The following CAPSL variants were observed in gnomAD, a reference collection of about 807,000 sequenced individuals.
CAPSL encodes the protein calcyphosin-like protein.
Under a neutral mutation model 21.3 loss-of-function variants are expected in CAPSL, and 17 were observed. That is an observed-to-expected ratio of 0.80 (90% confidence interval 0.55 to 1.20). The LOEUF (loss-of-function observed/expected upper bound fraction) is 1.20. Ranked by LOEUF, CAPSL falls within the 50% of genes most tolerant of loss-of-function variation. The pLI, the probability that CAPSL is intolerant of heterozygous loss-of-function variation, is 0.00. For synonymous variants in CAPSL, 102 were observed against 89.3 expected, an observed-to-expected ratio of 1.14 and a Z score of -0.80; for missense variants, 289 against 259.3, an observed-to-expected ratio of 1.11 and a Z score of -0.79.
chr5:35,931,327 A>G (rs1738817940), intron 1 of CAPSL, among the ~76,000 whole-genome samples: 1 of 152,154 alleles, frequency 6.6e-6, no homozygotes, highest in Non-Finnish European at 1.5e-5. Flanking sequence ...CTCTTCTCTC[A>G]GTAGAATTTT....
intron 2 of CAPSL, among the ~76,000 whole-genome samples, chr5:35,910,830 G>C (rs1217483477): frequency 6.6e-6 from 1 of 152,176 alleles, no homozygotes; most frequent in Non-Finnish European, 1.5e-5. Flanking sequence ...TGAAACATGG[G>C]ATTTTTAGGT....
intron 1 of CAPSL, among the ~76,000 whole-genome samples, chr5:35,935,027 C>T (rs1380591139): frequency 1.3e-5 from 2 of 152,166 alleles, no homozygotes; most frequent in East Asian, 3.8e-4. Context: ...CACCCTGTCA[C>T]CTCCACATCA....
At chr5:35,936,345 C>A (rs1738946070) in intron 1 of CAPSL, among the ~76,000 whole-genome samples, 1 of 152,132 alleles carries the variant, frequency 6.6e-6, no homozygotes, top group Admixed American at 6.5e-5. Flanking sequence ...TCCTCTCCAG[C>A]AGCTCCTTCT....
In CAPSL at chr5:35,933,655, G is replaced by A. The variant is rs142845346; in HGVS notation, c.-1+4886C>T. Reference sequence around the variant, plus strand: ...AAGAGCATTTGCCTGCTCCTCCCTCGGTGTGAAGAACTCCTGTCCAAGCTA... The same window carrying A: ...AAGAGCATTTGCCTGCTCCTCCCTCAGTGTGAAGAACTCCTGTCCAAGCTA... On this transcript the variant is annotated intron_variant, in intron 1 of 4. Transcript: ENST00000651391. Among the ~76,000 whole-genome samples the A allele has an allele frequency of 2.2e-3, 329 of 152,156 alleles. 1 individual carries two copies. Among genetic ancestry groups the A allele is most frequent in the Middle Eastern group, 3.4e-3 (1 of 294 alleles).
rs758559698 is a variant in CAPSL, at chr5:35,910,363, T to G, written c.315+3A>C. On this transcript the variant is annotated splice_donor_region_variant and intron_variant, in intron 3 of 4. Coordinates refer to ENST00000651391, the MANE Select transcript of CAPSL (RefSeq NM_001042625.2). ...AGATACACTGATTAATGGGGCCACT[T>G]ACTCTTAATGTGAGAAGAAATTCAT... The G allele has an allele frequency of 1.2e-5, 20 of 1,612,230 alleles. No homozygotes were observed. Among genetic ancestry groups the G allele is most frequent in the Non-Finnish European group, 1.6e-5 (19 of 1,179,238 alleles).
At chr5:35,921,874 C>G (rs894903729) in intron 1 of CAPSL, among the ~76,000 whole-genome samples, 3 of 151,238 alleles carry the variant, frequency 2.0e-5, no homozygotes, top group African/African-American at 7.3e-5. Flanking sequence ...AATCTCACAG[C>G]CTGTTTCCTC....
intron 1 of CAPSL, among the ~76,000 whole-genome samples, chr5:35,929,769 G>A (rs1027687146): frequency 1.3e-5 from 2 of 152,108 alleles, no homozygotes; most frequent in African/African-American, 4.8e-5. Context: ...AGTGAGGACC[G>A]GAGTGCAGAG....
At chr5:35,913,615 T>C (rs1375547797) in intron 2 of CAPSL, among the ~76,000 whole-genome samples, 1 of 152,134 alleles carries the variant, frequency 6.6e-6, no homozygotes, top group Non-Finnish European at 1.5e-5. Flanking sequence ...CTAAGCTTCA[T>C]AAGTGAAGGA....
chr5:35,915,938 T>C (rs1408051634), intron 2 of CAPSL, among the ~76,000 whole-genome samples: 2 of 152,178 alleles, frequency 1.3e-5, no homozygotes. Context: ...TGTTTGCAGA[T>C]GACATGATTG....
Position 35,907,449 on chromosome 5 carries a change from A to T in CAPSL, c.525+2417T>A, listed in dbSNP as rs562904203. ...TACACATGAAGAATTCAAAACTTAG[A>T]TATTAAAGAATAAGAAGTAAATGTC... On this transcript the variant is annotated intron_variant, in intron 4 of 4. Coordinates refer to ENST00000651391, the MANE Select transcript of CAPSL (RefSeq NM_001042625.2). Among the ~76,000 whole-genome samples, 7 of 152,342 alleles carry T rather than the reference A, an allele frequency of 4.6e-5. No individual in the cohort carries two copies. In the South Asian group the frequency reaches 1.2e-3, roughly 27 times the overall value.
At chr5:35,929,153 C>T (rs553892226) in intron 1 of CAPSL, among the ~76,000 whole-genome samples, 1 of 152,206 alleles carries the variant, frequency 6.6e-6, no homozygotes, top group East Asian at 1.9e-4. Context: ...CACATTGCCT[C>T]ATGTGGTGGA....
intron 2 of CAPSL, among the ~76,000 whole-genome samples, chr5:35,913,316 T>C (rs1476703895): frequency 6.6e-6 from 1 of 152,176 alleles, no homozygotes; most frequent in Non-Finnish European, 1.5e-5. Flanking sequence ...TTCCCCAATC[T>C]AGCAAGGCAG....
chr5:35,919,982 G>A (rs1405120988), intron 2 of CAPSL, among the ~76,000 whole-genome samples: 2 of 152,142 alleles, frequency 1.3e-5, no homozygotes, highest in African/African-American at 4.8e-5. Context: ...ATGATGAATG[G>A]GATAGAGGTG....
chr5:35,931,358 G>A (rs1206234028), intron 1 of CAPSL, among the ~76,000 whole-genome samples: 1 of 151,420 alleles, frequency 6.6e-6, no homozygotes, highest in Non-Finnish European at 1.5e-5. Context: ...AGCCTCTCCA[G>A]CACTTTTGAC....
At chr5:35,936,882 G>C (rs936898620) in intron 1 of CAPSL, among the ~76,000 whole-genome samples, 1 of 152,174 alleles carries the variant, frequency 6.6e-6, no homozygotes, top group Non-Finnish European at 1.5e-5. Flanking sequence ...ATGTGCACTT[G>C]GATGACCTAC....
chr5:35,919,876 G>A (rs1738491191), intron 2 of CAPSL, among the ~76,000 whole-genome samples: 1 of 152,192 alleles, frequency 6.6e-6, no homozygotes, highest in Admixed American at 6.5e-5. Flanking sequence ...ATGGGGTGAA[G>A]ATGGCACAGG....
At chr5:35,911,889 G>C (rs1487370954) in intron 2 of CAPSL, among the ~76,000 whole-genome samples, 1 of 152,138 alleles carries the variant, frequency 6.6e-6, no homozygotes, top group African/African-American at 2.4e-5. Flanking sequence ...AGCACACCAA[G>C]CATGAGCTGA....
At chr5:35,919,168 A>ATATATAT (rs1328263175) in intron 2 of CAPSL, among the ~76,000 whole-genome samples, 4 of 113,036 alleles carry the variant, frequency 3.5e-5, no homozygotes, top group East Asian at 2.7e-4. Context: ...ATTAAAAAAA[A>ATATATAT]AAATATATAT....
At chr5:35,909,169 T>A (rs371106311) in intron 4 of CAPSL, among the ~76,000 whole-genome samples, 2 of 151,916 alleles carry the variant, frequency 1.3e-5, no homozygotes, top group African/African-American at 4.8e-5. Context: ...GACACAGTCA[T>A]GGAGCTATAT....
Sources: gnomAD v4.1 joint callset for allele counts (sites outside exome capture counted in the v4.1 genomes callset) on GRCh38, gnomAD v4.1.1 for gene constraint, MANE v1.5 for transcripts, NCBI Gene and HGNC (gene_info 2026-07-23, HGNC 2026-07-21) for gene names.